LRRC8B: variants seen among roughly 807,000 people sequenced by gnomAD.
LRRC8B encodes leucine rich repeat containing 8 VRAC subunit B.
In LRRC8B, 23 loss-of-function variants were observed where a neutral mutation model predicts 58.8. The ratio of observed to expected loss-of-function variants is 0.39; its 90% CI spans 0.28 to 0.55. The LOEUF (loss-of-function observed/expected upper bound fraction) is 0.55. Ranked by LOEUF, LRRC8B falls within the 20% of genes least tolerant of loss-of-function variation. The pLI is 0.62. For synonymous variants in LRRC8B, 359 were observed against 374.1 expected (o/e 0.96, Z 0.47); for missense variants, 694 against 936.0 (o/e 0.74, Z 3.37).
At chr1:89,560,798 T>C (rs1652586128) in intron 1 of LRRC8B, among the ~76,000 whole-genome samples, 1 of 151,500 alleles carries the variant, frequency 6.6e-6, no homozygotes. Context: ...GTTGGACATT[T>C]GGCTTGGTTC....
chr1:89,552,984 A>G (rs1331062348), intron 1 of LRRC8B, among the ~76,000 whole-genome samples: 1 of 152,210 alleles, frequency 6.6e-6, no homozygotes, highest in African/African-American at 2.4e-5. Flanking sequence ...CTTTCACAAT[A>G]TGATCATATT....
chr1:89,578,383 T>G (rs1355859842), intron 3 of LRRC8B, among the ~76,000 whole-genome samples: 1 of 152,162 alleles, frequency 6.6e-6, no homozygotes, highest in East Asian at 1.9e-4. Flanking sequence ...AATGCAGTCA[T>G]GTGATATATG....
intron 5 of LRRC8B, among the ~76,000 whole-genome samples, chr1:89,591,114 A>G (rs1406853405): frequency 3.3e-5 from 5 of 152,246 alleles, no homozygotes; most frequent in African/African-American, 7.2e-5. Context: ...TTTCTAACTC[A>G]GTACTTGATC....
At chr1:89,561,745 A>G (rs1411529276) in intron 1 of LRRC8B, among the ~76,000 whole-genome samples, 2 of 137,980 alleles carry the variant, frequency 1.4e-5, no homozygotes, top group Non-Finnish European at 3.1e-5. Context: ...CCATTGATCT[A>G]TATCTCTGTT....
At chr1:89,582,030 G>A (rs12752993) in intron 4 of LRRC8B, among the ~76,000 whole-genome samples, 29,083 of 152,008 alleles carry the variant, frequency 0.19, 3,485 homozygotes, top group Admixed American at 0.31. Flanking sequence ...TGTAAGTGAT[G>A]CTTCAGACAT....
chr1:89,554,154 G>T (rs12752582), intron 1 of LRRC8B, among the ~76,000 whole-genome samples: 75,505 of 151,800 alleles, frequency 0.5, 19,203 homozygotes, highest in South Asian at 0.58. Context: ...TCTACTCTTA[G>T]CCCCATCATT....
intron 1 of LRRC8B, among the ~76,000 whole-genome samples, chr1:89,543,013 ATTAC>A (rs1651132858): frequency 6.6e-6 from 1 of 152,194 alleles, no homozygotes; most frequent in Admixed American, 6.5e-5. Flanking sequence ...GTAGGGTCAA[ATTAC>A]TTAATGATGA....
intron 1 of LRRC8B, among the ~76,000 whole-genome samples, chr1:89,563,112 T>C (rs1330307288): frequency 1.3e-5 from 2 of 152,208 alleles, no homozygotes; most frequent in African/African-American, 2.4e-5. Flanking sequence ...TTTATATTCA[T>C]TTTAAAGCAA....
chr1:89,527,100 GT>G (rs1649757657), intron 1 of LRRC8B: 1 of 152,058 alleles, frequency 6.6e-6, no homozygotes, highest in Non-Finnish European at 1.5e-5. Flanking sequence ...ATTTTTTGTT[GT>G]TTTCTGAAGT....
chr1:89,536,178 A>T (rs571254837), intron 1 of LRRC8B, among the ~76,000 whole-genome samples: 83 of 152,300 alleles, frequency 5.4e-4, no homozygotes, highest in African/African-American at 1.9e-3. Flanking sequence ...TTATATTCAC[A>T]TTTATTCTCC....
At chr1:89,536,515 C>T (rs1006073332) in intron 1 of LRRC8B, among the ~76,000 whole-genome samples, 2 of 152,114 alleles carry the variant, frequency 1.3e-5, no homozygotes, top group African/African-American at 4.8e-5. Context: ...TTTTGAGCAG[C>T]TAATATGTGT....
In LRRC8B at chr1:89,538,711, GT is replaced by G. The variant is rs199600161; in HGVS notation, c.-241+13698del. ...AAAGGTTTAAATTAGCATCTTCGAG[GT>G]TTTTTTTTGTTTGTTTGTTTGTTTT... On this transcript the variant is annotated intron_variant, in intron 1 of 5. Transcript: ENST00000330947. Among the ~76,000 whole-genome samples, 359 of 145,396 alleles carry G rather than the reference GT, an allele frequency of 2.5e-3. 3 individuals carry two copies. Among genetic ancestry groups the G allele is most frequent in the African/African-American group, 8.1e-3 (333 of 40,944 alleles).
At chr1:89,548,590 C>T (rs1401993061) in intron 1 of LRRC8B, among the ~76,000 whole-genome samples, 4 of 152,318 alleles carry the variant, frequency 2.6e-5, no homozygotes, top group African/African-American at 4.8e-5. Context: ...TTCAAAGCCT[C>T]AAGCAATGAA....
chr1:89,556,392 A>G (rs113653072), intron 1 of LRRC8B, among the ~76,000 whole-genome samples: 2,311 of 152,216 alleles, frequency 0.015, 58 homozygotes, highest in African/African-American at 0.053. Flanking sequence ...CCTGAGTTCT[A>G]TGAGTTACTC....
At chr1:89,564,170 A>G (rs548916584) in intron 1 of LRRC8B, among the ~76,000 whole-genome samples, 6 of 152,220 alleles carry the variant, frequency 3.9e-5, no homozygotes, top group Non-Finnish European at 7.3e-5. Flanking sequence ...ATGTTTCTTC[A>G]TAAGAGGCTG....
chr1:89,586,984 G>A (rs1339233952), intron 5 of LRRC8B, among the ~76,000 whole-genome samples: 1 of 152,104 alleles, frequency 6.6e-6, no homozygotes, highest in African/African-American at 2.4e-5. Flanking sequence ...TACAATATTG[G>A]TCTTCAGATA....
At chr1:89,540,724 A>T (rs1405993860) in intron 1 of LRRC8B, among the ~76,000 whole-genome samples, 2 of 152,208 alleles carry the variant, frequency 1.3e-5, no homozygotes, top group African/African-American at 2.4e-5. Context: ...TAGTTTTGGG[A>T]AGTAACACTG....
In LRRC8B at chr1:89,583,713, A is replaced by C. The variant is rs146106235; in HGVS notation, c.1063A>C (p.Asn355His). The change falls in exon 5 of 6, where the codon AAC becomes CAC. Residue 355 changes from asparagine to histidine, a missense_variant. This residue lies in a region of LRRC8B where 24 missense variants were observed against 63.2 expected (regional missense o/e 0.38). Transcript: ENST00000330947. This position sits in a 1 kb window ranked among gnomAD's most constrained non-coding sequence, Gnocchi z 5.2. ...YSFEALREKS[N>H]YSDIPDVKND... ...CTTTGAGGCGTTAAGAGAAAAAAGC[A>C]ACTACAGTGACATCCCTGATGTCAA... The C allele has an allele frequency of 9.9e-6, 16 of 1,614,046 alleles. No individual in the cohort carries two copies. The Admixed American group carries it at 2.3e-4, about 24-fold the overall frequency.
At chr1:89,588,760 AG>A (rs1466787984) in intron 5 of LRRC8B, among the ~76,000 whole-genome samples, 1 of 152,198 alleles carries the variant, frequency 6.6e-6, no homozygotes, top group Non-Finnish European at 1.5e-5. Flanking sequence ...TATGATTTAG[AG>A]GTAGGAGTAT....
Sources: allele counts gnomAD v4.1 joint callset (sites outside exome capture counted in the v4.1 genomes callset), GRCh38; gene constraint gnomAD v4.1.1; regional missense constraint gnomAD v4.1.1; non-coding constraint Gnocchi (gnomAD v3.1); transcripts MANE v1.5; gene names NCBI Gene and HGNC (gene_info 2026-07-23, HGNC 2026-07-21).